FADS2: variants seen among roughly 807,000 people sequenced by gnomAD.
The protein encoded by FADS2 is fatty acid desaturase 2.
Under a neutral mutation model 61.2 loss-of-function variants are expected in FADS2, and 18 were observed. The ratio of observed to expected loss-of-function variants is 0.29; its 90% CI spans 0.20 to 0.44. The LOEUF is 0.44. Ranked by LOEUF, FADS2 falls within the 20% of genes least tolerant of loss-of-function variation. FADS2 has a pLI of 1.00. For missense variants in FADS2, 322 were observed against 572.7 expected (o/e 0.56, Z 4.47); for synonymous variants, 203 against 223.9 (o/e 0.91, Z 0.83).
In FADS2 at chr11:61,865,983, G is replaced by C. The variant is rs1160985511; in HGVS notation, c.*294G>C. 6 of 494,756 alleles carry C rather than the reference G, an allele frequency of 1.2e-5. No homozygotes were observed. In the Admixed American group the frequency reaches 1.3e-4, roughly 11 times the overall value. 30.6% of individuals were successfully genotyped at this position (494,756 alleles called of 1,614,324 possible). Reference sequence around the variant, plus strand: ...AGAGGTGGCCACCGGGGGTGGCTCTGTCCTACCTCCACTCTCTGCCCCTAA... The same window carrying C: ...AGAGGTGGCCACCGGGGGTGGCTCTCTCCTACCTCCACTCTCTGCCCCTAA... On this transcript the variant is annotated 3_prime_UTR_variant, in exon 12 of 12. Transcript: ENST00000278840. The surrounding 1 kb of genome is among the most constrained non-coding windows in gnomAD (Gnocchi z 4.1).
upstream of FADS2, among the ~76,000 whole-genome samples, chr11:61,824,459 G>GGAGAGAGAGAGAGA (rs1157000186): frequency 1.7e-4 from 1 of 5,852 alleles, no homozygotes; most frequent in African/African-American, 5.5e-4. Flanking sequence ...AGGGAGGGAG[G>GGAGAGAGAGAGAGA]GAGAGAGAGA....
chr11:61,846,945 CA>C (rs1338390758), intron 4 of FADS2: 4 of 143,436 alleles, frequency 2.8e-5, no homozygotes, highest in Non-Finnish European at 6.0e-5. Flanking sequence ...TATTGAGATA[CA>C]GTTCTCACTT....
At chr11:61,861,989 C>T (rs1270548227) in intron 7 of FADS2, 21 of 152,270 alleles carry the variant, frequency 1.4e-4, no homozygotes, top group Admixed American at 1.3e-3. Flanking sequence ...TGAAGTGAGA[C>T]AGGGCAGTCC....
At chr11:61,828,178 A>G (rs1461063065), upstream of FADS2, 1 of 1,412,920 alleles carries the variant, frequency 7.1e-7, no homozygotes, top group East Asian at 2.7e-5. The surrounding 1 kb of genome is among the most constrained non-coding windows in gnomAD (Gnocchi z 6.4). Context: ...GGGCACTGGG[A>G]AGCCAGGGAT....
At chr11:61,864,454 C>T (rs951236010) in intron 10 of FADS2, among the ~76,000 whole-genome samples, 7 of 151,928 alleles carry the variant, frequency 4.6e-5, no homozygotes, top group East Asian at 3.9e-4. Flanking sequence ...AGGGCAGTGG[C>T]GCAATCTCGG....
chr11:61,843,252 A>T (rs1662326602), intron 4 of FADS2, among the ~76,000 whole-genome samples: 1 of 152,212 alleles, frequency 6.6e-6, no homozygotes, highest in Admixed American at 6.5e-5. Context: ...CCACATAGCA[A>T]GACCCTGTCT....
chr11:61,842,171 G>C (rs557430920), intron 4 of FADS2, among the ~76,000 whole-genome samples: 2 of 152,140 alleles, frequency 1.3e-5, no homozygotes, highest in Non-Finnish European at 2.9e-5. Context: ...CACCCAGACC[G>C]CAACGGGGCC....
Position 61,816,816 on chromosome 11 carries a change from G to C in FADS2, c.141+390G>C, listed in dbSNP as rs979020168. 8.0e-6 allele frequency: 12 copies of C among 1,494,026 alleles called. No individual in the cohort carries two copies. Among genetic ancestry groups the C allele is most frequent in the Non-Finnish European group, 1.1e-5 (12 of 1,132,296 alleles). The allele number at this position is 1,494,026 out of a possible 1,614,324, so 92.5% of individuals were successfully genotyped here. A position where few individuals can be genotyped will look rare whatever the true frequency, so the allele number is the denominator to read the frequency against. On this transcript the variant is annotated intron_variant, in intron 1 of 11. Coordinates refer to the FADS2 transcript ENST00000257261. This position sits in a 1 kb window ranked among gnomAD's most constrained non-coding sequence, Gnocchi z 7.0. ...CAGGGGCTGTCAGGCGCGTGCTCGG[G>C]GTCCGCGGGCTCCAGGAGTGGATTT...
intron 5 of FADS2, among the ~76,000 whole-genome samples, chr11:61,851,215 G>T (rs565897655): frequency 8.5e-5 from 13 of 152,178 alleles, no homozygotes; most frequent in Non-Finnish European, 1.6e-4. Context: ...ATGTAGAGCC[G>T]TTGGCTGTCC....
chr11:61,817,844 C>T (rs1169885759), intron 1 of FADS2, among the ~76,000 whole-genome samples: 1 of 152,224 alleles, frequency 6.6e-6, no homozygotes, highest in African/African-American at 2.4e-5. Flanking sequence ...CTTTATAAAG[C>T]ACTTACTGTG....
At position 61,865,096 on chromosome 11, in the gene FADS2, G is replaced by A. The variant is rs542604910; in HGVS notation, c.1158-56G>A. The A allele has an allele frequency of 1.2e-4, 196 of 1,572,598 alleles. No homozygotes were observed. The highest frequency in any genetic ancestry group is 4.3e-4 in the South Asian group (38 of 87,426). The stretch of plus-strand genomic sequence containing the variant: ...CTCTGCCCAGGTGGTGGGAGGAAGC[G>A]GGAGCAGCATGGCCCTCTGAGTCCT... On this transcript the variant is annotated intron_variant, in intron 10 of 11. Coordinates refer to ENST00000278840, the MANE Select transcript of FADS2 (RefSeq NM_004265.4). The surrounding 1 kb of genome is among the most constrained non-coding windows in gnomAD (Gnocchi z 4.1).
At chr11:61,816,220 T>C (rs2066981129), upstream of FADS2, 2 of 1,585,332 alleles carry the variant, frequency 1.3e-6, no homozygotes, top group Non-Finnish European at 8.5e-7. The surrounding 1 kb of genome is among the most constrained non-coding windows in gnomAD (Gnocchi z 7.0). Context: ...CTCTCCTCCC[T>C]CCTAGCCTAC....
At chr11:61,823,422 G>C (rs1468998176), upstream of FADS2, among the ~76,000 whole-genome samples, 1 of 152,218 alleles carries the variant, frequency 6.6e-6, no homozygotes, top group African/African-American at 2.4e-5. Context: ...AGATTGTCCA[G>C]ATGCTTTCCA....
In FADS2 at chr11:61,848,196, A is replaced by G. The variant is rs2067276549; in HGVS notation, c.656A>G (p.Gln219Arg). ...SANWWNHRHFQHHAKPNIFHK... is the reference protein window; with the variant it reads ...SANWWNHRHFRHHAKPNIFHK... ...AACTGGTGGAATCATCGCCACTTCC[A>G]GCACCACGCCAAGCCTAACATCTTC... is the stretch of plus-strand genomic sequence containing the variant. Residue 219 changes from glutamine (Q) to arginine (R), a missense_variant, in exon 5 of 12, where the codon CAG becomes CGG. Physicochemically the swap from Gln to Arg is conservative, Grantham distance 43. Transcript: ENST00000278840. The G allele has an allele frequency of 6.2e-7, 1 of 1,614,042 alleles. No individual in the cohort carries two copies. The highest frequency in any genetic ancestry group is 8.5e-7 in the Non-Finnish European group (1 of 1,180,030).
Position 61,861,341 on chromosome 11 carries a change from G to A in FADS2, c.883-1631G>A, listed in dbSNP as rs187942269. Among the ~76,000 whole-genome samples the A allele has an allele frequency of 0.019, 725 of 38,210 alleles. 18 individuals are homozygous for A. In the East Asian group the frequency reaches 0.21, roughly 11 times the overall value. 25.1% of individuals were successfully genotyped at this position (38,210 alleles called of 152,430 possible). A position where few individuals can be genotyped will look rare whatever the true frequency, so the allele number is the denominator to read the frequency against. On this transcript the variant is annotated intron_variant, in intron 7 of 11. Coordinates refer to ENST00000278840, the MANE Select transcript of FADS2 (RefSeq NM_004265.4). ...TGCACTCTAGCCTGGGCGACAGAGC[G>A]AGACTCCCTCTCAAAAAAAAAAAAA...
intron 2 of FADS2, among the ~76,000 whole-genome samples, chr11:61,838,630 C>A (rs899259523): frequency 1.3e-5 from 2 of 152,144 alleles, no homozygotes; most frequent in East Asian, 1.9e-4. Context: ...CCGGCCTGGA[C>A]TCTTGGCCAG....
intron 9 of FADS2, 84 bp downstream of exon 9, chr11:61,863,462 G>A (rs1206691237): frequency 9.3e-7 from 1 of 1,077,494 alleles, no homozygotes; most frequent in Non-Finnish European, 1.4e-6. Context: ...CTAACACAGG[G>A]CTGTGCTGGG....
chr11:61,825,482 G>A (rs1219554235), upstream of FADS2, among the ~76,000 whole-genome samples: 1 of 152,068 alleles, frequency 6.6e-6, no homozygotes, highest in African/African-American at 2.4e-5. Flanking sequence ...GCCGGGCATG[G>A]TGGCGGGTGC....
chr11:61,838,237 G>C (rs1328097788), intron 2 of FADS2, among the ~76,000 whole-genome samples: 1 of 152,112 alleles, frequency 6.6e-6, no homozygotes, highest in Non-Finnish European at 1.5e-5. Context: ...TGTGTGGTCC[G>C]GGGCACCTCT....
Sources: allele counts gnomAD v4.1 joint callset (sites outside exome capture counted in the v4.1 genomes callset), GRCh38; gene constraint gnomAD v4.1.1; non-coding constraint Gnocchi (gnomAD v3.1); transcripts MANE v1.5; gene names NCBI Gene and HGNC (gene_info 2026-07-23, HGNC 2026-07-21).